IL7: variants seen among roughly 807,000 people sequenced by gnomAD.
IL7 encodes interleukin 7.
Under a neutral mutation model 21.6 loss-of-function variants are expected in IL7, and 3 were observed. The ratio of observed to expected loss-of-function variants is 0.14; its 90% confidence interval spans 0.06 to 0.36. The LOEUF (loss-of-function observed/expected upper bound fraction) is 0.36, where lower values mean the gene tolerates loss of function less well. Among genes scored for constraint, IL7 ranks in the 10% least tolerant of loss-of-function variants. The probability of loss-of-function intolerance (pLI) is 1.00; values close to 1 mark genes in which losing one functional copy is unlikely to be tolerated. For missense variants in IL7, 175 were observed against 200.2 expected (o/e 0.87, Z 0.76); for synonymous variants, 62 against 68.1 (o/e 0.91, Z 0.44).
downstream of IL7, among the ~76,000 whole-genome samples, chr8:78,715,713 G>C (rs752376670): frequency 6.6e-6 from 1 of 152,158 alleles, no homozygotes; most frequent in African/African-American, 2.4e-5. Context: ...GAAGCCTGCA[G>C]ATGTCATTGA....
At chr8:78,675,985 CT>C in exon 5 of IL7, 2 of 746,990 alleles carry the variant, frequency 2.7e-6, no homozygotes, top group Non-Finnish European at 4.3e-6. Flanking sequence ...GGGTACTATT[CT>C]TTGTTCAAGG....
At chr8:78,737,147 A>C (rs1811621578) in intron 4 of IL7, among the ~76,000 whole-genome samples, 1 of 152,164 alleles carries the variant, frequency 6.6e-6, no homozygotes, top group Non-Finnish European at 1.5e-5. Flanking sequence ...ATAAAGCTCA[A>C]TACATAAGAG....
In IL7 at chr8:78,769,651, CA is replaced by C. The variant is rs1586088123; in HGVS notation, c.147+28420del. On this transcript the variant is annotated intron_variant, in intron 2 of 5. Coordinates refer to ENST00000263851, the MANE Select transcript of IL7 (RefSeq NM_000880.4). ...TTCAATGCCATCCCCATCAAGCTACCAATGACTTTCTTCACAGAATTGGAAA... is the reference window on the plus strand; with the variant it reads ...TTCAATGCCATCCCCATCAAGCTACCATGACTTTCTTCACAGAATTGGAAA... 2.6e-5 allele frequency among the ~76,000 whole-genome samples: 4 copies of C among 152,236 alleles called. No individual in the cohort carries two copies. In the East Asian group the frequency reaches 7.7e-4, roughly 29 times the overall value.
At chr8:78,736,594 G>T in intron 4 of IL7, 67 bp from the exon 5 acceptor site, 1 of 988,730 alleles carries the variant, frequency 1.0e-6, no homozygotes, top group South Asian at 1.6e-5. Context: ...GTTTGTAATT[G>T]CTAATTTTCA....
chr8:78,685,073 T>C (rs1040357613), intron 4 of IL7, among the ~76,000 whole-genome samples: 10 of 152,144 alleles, frequency 6.6e-5, no homozygotes, highest in Admixed American at 5.2e-4. Flanking sequence ...TAAAATATAA[T>C]GTCTCAATAT....
intron 4 of IL7, among the ~76,000 whole-genome samples, chr8:78,685,061 G>T (rs1809921551): frequency 1.3e-5 from 2 of 152,068 alleles, no homozygotes; most frequent in African/African-American, 4.8e-5. Context: ...CCTATCAGAT[G>T]TTAAAATATA....
At chr8:78,748,715 A>G (rs1812064129) in intron 2 of IL7, among the ~76,000 whole-genome samples, 1 of 152,202 alleles carries the variant, frequency 6.6e-6, no homozygotes, top group African/African-American at 2.4e-5. Context: ...AAATAGACAA[A>G]TAGTAAAGCC....
chr8:78,729,539 G>T (rs1811387745), downstream of IL7, among the ~76,000 whole-genome samples: 1 of 151,952 alleles, frequency 6.6e-6, no homozygotes, highest in Non-Finnish European at 1.5e-5. Flanking sequence ...TTTACGTTAA[G>T]ATTTTTCATG....
intron 3 of IL7, chr8:78,689,394 T>A: frequency 6.5e-7 from 1 of 1,543,356 alleles, no homozygotes; most frequent in Non-Finnish European, 8.7e-7. Flanking sequence ...TTTTAATAAT[T>A]GCTATAAACG....
intron 2 of IL7, among the ~76,000 whole-genome samples, chr8:78,767,252 T>C (rs996619396): frequency 5.3e-5 from 8 of 151,958 alleles, no homozygotes; most frequent in African/African-American, 1.4e-4. Context: ...ATCTCTTATA[T>C]AGTGCATACA....
At chr8:78,678,782 G>C (rs28429528) in intron 4 of IL7, 464,048 of 636,780 alleles carry the variant, frequency 0.73, 171,582 homozygotes, top group East Asian at 0.92. Context: ...ACAATTATCT[G>C]CTACATTAAG....
downstream of IL7, among the ~76,000 whole-genome samples, chr8:78,716,744 C>A (rs144301599): frequency 6.6e-6 from 1 of 152,246 alleles, no homozygotes; most frequent in Non-Finnish European, 1.5e-5. Context: ...CTGCCCAAAT[C>A]TCATGTCAAA....
At chr8:78,798,605 G>T (rs1813944744) in intron 1 of IL7, among the ~76,000 whole-genome samples, 1 of 151,934 alleles carries the variant, frequency 6.6e-6, no homozygotes, top group Non-Finnish European at 1.5e-5. Flanking sequence ...ATGATGTACT[G>T]CACGTAATTG....
intron 2 of IL7, among the ~76,000 whole-genome samples, chr8:78,772,504 G>A (rs779643854): frequency 6.6e-6 from 1 of 152,090 alleles, no homozygotes; most frequent in Non-Finnish European, 1.5e-5. Flanking sequence ...TTTGACTTGC[G>A]TTATGAATAA....
intron 5 of IL7, among the ~76,000 whole-genome samples, chr8:78,720,539 A>C (rs1321750594): frequency 6.6e-6 from 1 of 151,922 alleles, no homozygotes; most frequent in East Asian, 1.9e-4. Flanking sequence ...ATTTCATAAT[A>C]TTACGGCCTA....
chr8:78,798,769 T>G (rs1813953266), intron 1 of IL7, among the ~76,000 whole-genome samples: 1 of 152,028 alleles, frequency 6.6e-6, no homozygotes, highest in Admixed American at 6.6e-5. Flanking sequence ...TTCCCAAAAG[T>G]CTTACAAAGT....
chr8:78,724,717 C>G (rs1563646314), intron 3 of IL7, among the ~76,000 whole-genome samples: 1 of 152,004 alleles, frequency 6.6e-6, no homozygotes, highest in African/African-American at 2.4e-5. Flanking sequence ...GAATAAGCAA[C>G]TTGTATGCTA....
chr8:78,742,728 T>G (rs747382071), intron 2 of IL7, among the ~76,000 whole-genome samples: 2 of 152,170 alleles, frequency 1.3e-5, no homozygotes, highest in Non-Finnish European at 2.9e-5. Context: ...TCTTTCTCTA[T>G]TTTTTAAACA....
At chr8:78,735,227 A>G (rs1273172017) in intron 5 of IL7, among the ~76,000 whole-genome samples, 1 of 147,308 alleles carries the variant, frequency 6.8e-6, no homozygotes, top group Non-Finnish European at 1.5e-5. Flanking sequence ...AAAAACAGAG[A>G]ATCTTGGTTT....
Sources: allele counts gnomAD v4.1 joint callset (sites outside exome capture counted in the v4.1 genomes callset), GRCh38; gene constraint gnomAD v4.1.1; transcripts MANE v1.5; gene names NCBI Gene and HGNC (gene_info 2026-07-23, HGNC 2026-07-21).